Variants in LEF1 observed in about 807,000 individuals in gnomAD.
LEF1 encodes lymphoid enhancer binding factor 1.
LEF1 carries 14 observed loss-of-function variants against 51.2 expected under a neutral mutation model. The observed-to-expected ratio is 0.27, with a 90% confidence interval of 0.18 to 0.43. The LOEUF (loss-of-function observed/expected upper bound fraction) is 0.43, where lower values mean the gene tolerates loss of function less well. Ranked by LOEUF, LEF1 falls within the 20% of genes least tolerant of loss-of-function variation. The pLI, the probability that LEF1 is intolerant of heterozygous loss-of-function variation, is 1.00. For missense variants in LEF1, 386 were observed against 512.0 expected (o/e 0.75, Z 2.37); for synonymous variants, 185 against 183.2 (o/e 1.01, Z -0.08).
rs181562814 is a variant in LEF1, at chr4:108,167,812, C to A, written c.-45G>T. 1.4e-3 allele frequency: 2,182 copies of A among 1,556,826 alleles called. 5 individuals carry two copies. Among genetic ancestry groups the A allele is most frequent in the Non-Finnish European group, 1.8e-3 (2,091 of 1,139,038 alleles). ...CCGCTCCGCTGTGGGAGCACCCGCGCAACAGCAGGAAAGACAGAGGGGTAA... is the reference window on the plus strand; with the variant it reads ...CCGCTCCGCTGTGGGAGCACCCGCGAAACAGCAGGAAAGACAGAGGGGTAA... On this transcript the variant is annotated 5_prime_UTR_variant, in exon 1 of 12. Coordinates refer to ENST00000265165, the MANE Select transcript of LEF1 (RefSeq NM_016269.5). The surrounding 1 kb of genome is among the most constrained non-coding windows in gnomAD (Gnocchi z 5.7).
chr4:108,092,939 A>AACAAAAAAAAAAAAAAAAAAAAAC (rs1553952203), intron 3 of LEF1, among the ~76,000 whole-genome samples: 1 of 90,670 alleles, frequency 1.1e-5, no homozygotes, highest in Non-Finnish European at 2.2e-5. Flanking sequence ...AAAAAAAAAA[A>AACAAAAAAAAAAAAAAAAAAAAAC]AAAAAAAAAA....
In LEF1 at chr4:108,080,748, T is replaced by C. The variant is rs1459032851; in HGVS notation, c.722+838A>G. Among the ~76,000 whole-genome samples the C allele has an allele frequency of 3.3e-5, 5 of 152,208 alleles. No homozygotes were observed. The South Asian group carries it at 1.0e-3, about 32-fold the overall frequency. On this transcript the variant is annotated intron_variant, in intron 6 of 11. Coordinates refer to ENST00000265165, the MANE Select transcript of LEF1 (RefSeq NM_016269.5). ...TTACAACTCACTGAAAAAAAAAGTT[T>C]TTTTAAAGCTGTAATTCACCACAGA... is the stretch of plus-strand genomic sequence containing the variant.
intron 3 of LEF1, among the ~76,000 whole-genome samples, chr4:108,117,251 A>T (rs4245929): frequency 0.59 from 89,092 of 151,908 alleles, 26,665 homozygotes; most frequent in Middle Eastern, 0.75. Context: ...AACATTTTTT[A>T]AAAAAAACCC....
intron 11 of LEF1, among the ~76,000 whole-genome samples, chr4:108,052,155 G>A (rs966097644): frequency 1.3e-5 from 2 of 152,138 alleles, no homozygotes; most frequent in Non-Finnish European, 2.9e-5. Context: ...GCCCTGTCAG[G>A]GTGCCACTCA....
At chr4:108,059,405 A>T (rs1227905585) in intron 11 of LEF1, among the ~76,000 whole-genome samples, 1 of 151,062 alleles carries the variant, frequency 6.6e-6, no homozygotes, top group Non-Finnish European at 1.5e-5. Flanking sequence ...GCAGCCTTGA[A>T]CTCCTAGGTC....
chr4:108,123,388 T>A (rs897180960), intron 3 of LEF1, among the ~76,000 whole-genome samples: 14 of 150,970 alleles, frequency 9.3e-5, no homozygotes, highest in Non-Finnish European at 1.8e-4. Flanking sequence ...TTGCCTTTAC[T>A]CTAAAGATAT....
intron 3 of LEF1, among the ~76,000 whole-genome samples, chr4:108,149,956 CAAAA>C (rs754575483): frequency 1.7e-5 from 2 of 120,974 alleles, no homozygotes; most frequent in African/African-American, 6.1e-5. Flanking sequence ...TACTGTTAAC[CAAAA>C]AAAAAAAAAG....
At chr4:108,090,726 C>T (rs898193255) in intron 3 of LEF1, among the ~76,000 whole-genome samples, 1 of 152,134 alleles carries the variant, frequency 6.6e-6, no homozygotes, top group African/African-American at 2.4e-5. Context: ...AAATTCTTCC[C>T]TTCTAGCTAT....
intron 3 of LEF1, among the ~76,000 whole-genome samples, chr4:108,148,244 T>C (rs528759241): frequency 1.3e-5 from 2 of 151,322 alleles, no homozygotes; most frequent in African/African-American, 4.8e-5. Context: ...TCTTAAATAG[T>C]CTTAGGTTAC....
chr4:108,054,060 T>G (rs1367732139), intron 11 of LEF1, among the ~76,000 whole-genome samples: 1 of 152,192 alleles, frequency 6.6e-6, no homozygotes, highest in African/African-American at 2.4e-5. Flanking sequence ...CATTTGTGTG[T>G]GCACCTGTGC....
Position 108,096,393 on chromosome 4 carries a change from A to G in LEF1, c.415-7136T>C, listed in dbSNP as rs1295597927. ...GGACGTGGGGCAGAGCGAGAATCCAATGGTTCATCTTTTCTGGATCACAGA... is the reference window on the plus strand; with the variant it reads ...GGACGTGGGGCAGAGCGAGAATCCAGTGGTTCATCTTTTCTGGATCACAGA... On this transcript the variant is annotated intron_variant, in intron 3 of 11. Transcript: ENST00000265165. Among the ~76,000 whole-genome samples the G allele has an allele frequency of 3.3e-5, 5 of 152,344 alleles. No homozygotes were observed. The East Asian group carries it at 7.7e-4, about 24-fold the overall frequency.
At chr4:108,103,985 A>T (rs541834031) in intron 3 of LEF1, among the ~76,000 whole-genome samples, 3 of 152,244 alleles carry the variant, frequency 2.0e-5, no homozygotes, top group African/African-American at 4.8e-5. Context: ...ACAATGTTAA[A>T]AACTGAAAAC....
At chr4:108,097,442 T>A (rs1472857680) in intron 3 of LEF1, among the ~76,000 whole-genome samples, 1 of 152,150 alleles carries the variant, frequency 6.6e-6, no homozygotes, top group Non-Finnish European at 1.5e-5. Context: ...CAGCTTGGAA[T>A]GGGGGTTGGG....
intron 8 of LEF1, among the ~76,000 whole-genome samples, chr4:108,077,347 G>C (rs1263797412): frequency 6.6e-6 from 1 of 152,112 alleles, no homozygotes; most frequent in African/African-American, 2.4e-5. Context: ...ACTGGTAAGA[G>C]AGAAGCGCCT....
intron 2 of LEF1, 79 bp downstream of exon 2, chr4:108,165,018 A>G: frequency 7.6e-7 from 1 of 1,321,934 alleles, no homozygotes; most frequent in Non-Finnish European, 1.1e-6. Context: ...CTTGAACTCA[A>G]AAGTAACAAA....
At chr4:108,157,912 C>T (rs1266614585) in intron 3 of LEF1, among the ~76,000 whole-genome samples, 1 of 152,178 alleles carries the variant, frequency 6.6e-6, no homozygotes, top group Non-Finnish European at 1.5e-5. Context: ...CTCTACACAG[C>T]CTCTGCTAAC....
chr4:108,139,686 C>A (rs925099371), intron 3 of LEF1, among the ~76,000 whole-genome samples: 4 of 152,132 alleles, frequency 2.6e-5, no homozygotes, highest in African/African-American at 9.7e-5. Flanking sequence ...TGTGAGAGAC[C>A]TTTAGGGACG....
intron 3 of LEF1, among the ~76,000 whole-genome samples, chr4:108,115,143 T>C (rs1316033478): frequency 1.3e-5 from 2 of 152,222 alleles, no homozygotes; most frequent in African/African-American, 4.8e-5. Context: ...ACCTATACTA[T>C]CTGTTAGGGA....
At chr4:108,161,134 G>C (rs955033382) in intron 3 of LEF1, among the ~76,000 whole-genome samples, 2 of 152,314 alleles carry the variant, frequency 1.3e-5, no homozygotes, top group African/African-American at 4.8e-5. Context: ...CAAGAAGGCA[G>C]AAGTGTGGTT....
Sources: allele counts gnomAD v4.1 joint callset (sites outside exome capture counted in the v4.1 genomes callset), GRCh38; gene constraint gnomAD v4.1.1; non-coding constraint Gnocchi (gnomAD v3.1); transcripts MANE v1.5; gene names NCBI Gene and HGNC (gene_info 2026-07-23, HGNC 2026-07-21).